The following MTAP variants were observed in gnomAD, a reference collection of about 807,000 sequenced individuals.
The protein encoded by MTAP is methylthioadenosine phosphorylase.
In MTAP, 33 loss-of-function variants were observed where a neutral mutation model predicts 33.6. The observed-to-expected ratio is 0.98, with a 90% CI of 0.74 to 1.31. The LOEUF (loss-of-function observed/expected upper bound fraction) is 1.31, where lower values mean the gene tolerates loss of function less well. MTAP is among the 40% of genes most tolerant of loss of function. MTAP has a pLI of 0.00. For synonymous variants in MTAP, 148 were observed against 125.7 expected (o/e 1.18, Z -1.19); for missense variants, 367 against 360.0 (o/e 1.02, Z -0.16).
intron 1 of MTAP, among the ~76,000 whole-genome samples, chr9:21,904,179 G>A (rs1818436260): frequency 6.6e-6 from 1 of 152,144 alleles, no homozygotes; most frequent in African/African-American, 2.4e-5. Flanking sequence ...GCCTGCTGAT[G>A]TGCTCCTCTC....
chr9:21,822,559 C>A (rs1824672863), intron 4 of MTAP, among the ~76,000 whole-genome samples: 1 of 152,088 alleles, frequency 6.6e-6, no homozygotes, highest in African/African-American at 2.4e-5. Flanking sequence ...ACTATGTGGT[C>A]AATTTTGGAA....
chr9:21,933,224 A>G (rs1183275111), downstream of MTAP: 1 of 152,210 alleles, frequency 6.6e-6, no homozygotes, highest in Non-Finnish European at 1.5e-5. Flanking sequence ...GAAGACACAG[A>G]TCTAGCTGAA....
chr9:21,839,146 C>T (rs1825181442), intron 5 of MTAP, among the ~76,000 whole-genome samples: 2 of 150,744 alleles, frequency 1.3e-5, no homozygotes, highest in Non-Finnish European at 2.9e-5. Context: ...TTTTCTCTGA[C>T]TTCTAGGAAA....
At chr9:21,919,306 A>G (rs1341418276) in intron 1 of MTAP, among the ~76,000 whole-genome samples, 1 of 152,204 alleles carries the variant, frequency 6.6e-6, no homozygotes, top group African/African-American at 2.4e-5. Context: ...TTGTTCATCT[A>G]CTTCCCCACT....
intron 5 of MTAP, among the ~76,000 whole-genome samples, chr9:21,844,875 CA>C (rs1156880165): frequency 2.0e-5 from 3 of 151,902 alleles, no homozygotes; most frequent in South Asian, 2.1e-4. Flanking sequence ...ACTAAAAATA[CA>C]AAAAAATTAG....
chr9:21,838,735 T>C (rs1563841408), intron 5 of MTAP, among the ~76,000 whole-genome samples: 1 of 152,212 alleles, frequency 6.6e-6, no homozygotes, highest in Non-Finnish European at 1.5e-5. Context: ...GCAACAAAAA[T>C]GGCTACCATG....
rs550894129 is a variant in MTAP at position 21,921,656 on chromosome 9, A to G, written c.148-9352A>G. ...CATGCAGAGCCTTACAAGAGACTCA[A>G]TAAATCAAAATATGCCTCTCTTAAA... On this transcript the variant is annotated intron_variant, in intron 1 of 1. Coordinates refer to the MTAP transcript ENST00000577563. 7.9e-5 allele frequency among the ~76,000 whole-genome samples: 12 copies of G among 152,326 alleles called. 2 individuals are homozygous for G. Among genetic ancestry groups the G allele is most frequent in the African/African-American group, 2.9e-4 (12 of 41,568 alleles).
At chr9:21,909,435 C>G (rs960091224) in intron 1 of MTAP, among the ~76,000 whole-genome samples, 2 of 152,052 alleles carry the variant, frequency 1.3e-5, no homozygotes, top group African/African-American at 4.8e-5. Context: ...GTGGGGTACT[C>G]TATAATGGTT....
At chr9:21,861,714 A>C in intron 7 of MTAP, 1 of 483,590 alleles carries the variant, frequency 2.1e-6, no homozygotes, top group Non-Finnish European at 3.7e-6. Flanking sequence ...TATGGCAATA[A>C]GTGATTATCA....
chr9:21,893,143 A>G (rs968067849), intron 1 of MTAP: 1 of 152,210 alleles, frequency 6.6e-6, no homozygotes, highest in African/African-American at 2.4e-5. Flanking sequence ...AGGAAAATGT[A>G]CAGTGCTAAA....
At chr9:21,813,587 GA>G (rs1276743835) in intron 1 of MTAP, among the ~76,000 whole-genome samples, 1 of 152,202 alleles carries the variant, frequency 6.6e-6, no homozygotes, top group Admixed American at 6.5e-5. Context: ...AGCCCAACTC[GA>G]TTTGTGTATT....
chr9:21,938,637 G>A (rs1433207687), downstream of MTAP, among the ~76,000 whole-genome samples: 2 of 152,234 alleles, frequency 1.3e-5, no homozygotes, highest in Non-Finnish European at 2.9e-5. Context: ...ACCTTAAAAT[G>A]TTGTGTTTCT....
At chr9:21,805,024 C>T (rs1291837035) in intron 1 of MTAP, among the ~76,000 whole-genome samples, 3 of 152,186 alleles carry the variant, frequency 2.0e-5, no homozygotes, top group African/African-American at 4.8e-5. Flanking sequence ...CTCCAGTGCC[C>T]ACTGCACACC....
chr9:21,885,965 A>G (rs1323580724), intron 1 of MTAP, among the ~76,000 whole-genome samples: 1 of 152,032 alleles, frequency 6.6e-6, no homozygotes, highest in South Asian at 2.1e-4. Flanking sequence ...CTCTGGGTAG[A>G]CATAGATACC....
intron 1 of MTAP, among the ~76,000 whole-genome samples, chr9:21,899,941 A>G (rs576509800): frequency 6.6e-6 from 1 of 152,310 alleles, no homozygotes; most frequent in African/African-American, 2.4e-5. Flanking sequence ...AGGACTCCCT[A>G]TTCAATAAAT....
intron 5 of MTAP, among the ~76,000 whole-genome samples, chr9:21,839,289 A>C (rs1319260807): frequency 6.6e-6 from 1 of 152,054 alleles, no homozygotes; most frequent in African/African-American, 2.4e-5. Context: ...TCTGAAGCAC[A>C]GATCTGTCCA....
At chr9:21,895,787 T>TGAGTAG (rs1194435096) in intron 1 of MTAP, among the ~76,000 whole-genome samples, 2 of 152,136 alleles carry the variant, frequency 1.3e-5, no homozygotes, top group Admixed American at 6.5e-5. Flanking sequence ...TGCTGAGGCT[T>TGAGTAG]GAGTAGGTAA....
intron 4 of MTAP, among the ~76,000 whole-genome samples, chr9:21,822,331 A>C (rs892032959): frequency 4.5e-4 from 68 of 151,884 alleles, no homozygotes; most frequent in South Asian, 2.1e-4. Context: ...TATGTTGTGT[A>C]TTTGTTCTCA....
At chr9:21,894,492 A>G (rs753846136) in intron 1 of MTAP, among the ~76,000 whole-genome samples, 6 of 151,140 alleles carry the variant, frequency 4.0e-5, no homozygotes, top group Non-Finnish European at 8.9e-5. Flanking sequence ...TTTTGTACCT[A>G]GAAGACTCCA....
Sources: gnomAD v4.1 joint callset for allele counts (sites outside exome capture counted in the v4.1 genomes callset) on GRCh38, gnomAD v4.1.1 for gene constraint, MANE v1.5 for transcripts, NCBI Gene and HGNC (gene_info 2026-07-23, HGNC 2026-07-21) for gene names.